Variants in SNX24 observed in about 807,000 individuals in gnomAD.
The protein encoded by SNX24 is sorting nexin 24, also known as sorting nexin-24.
In SNX24, 22 loss-of-function variants were observed where a neutral mutation model predicts 28.7. The observed-to-expected ratio is 0.77, with a 90% CI of 0.55 to 1.10. SNX24 has a LOEUF of 1.10. Among genes scored for constraint, SNX24 ranks in the 50% least tolerant of loss-of-function variants. The probability of loss-of-function intolerance (pLI) is 0.00; values close to 1 mark genes in which losing one functional copy is unlikely to be tolerated. For synonymous variants in SNX24, 69 were observed against 71.5 expected, an observed-to-expected ratio of 0.96 and a Z score of 0.18; for missense variants, 221 against 201.1, an observed-to-expected ratio of 1.10 and a Z score of -0.60.
Position 123,009,079 on chromosome 5 carries a change from G to A in SNX24, c.*1330G>A, listed in dbSNP as rs1762508407. 1.0e-5 allele frequency: 10 copies of A among 985,384 alleles called. No homozygotes were observed. Among genetic ancestry groups the A allele is most frequent in the Non-Finnish European group, 7.2e-6 (6 of 829,672 alleles). The allele number at this position is 985,384 out of a possible 1,614,324, so 61.0% of individuals were successfully genotyped here. A position where few individuals can be genotyped will look rare whatever the true frequency, so the allele number is the denominator to read the frequency against. ...TTATGATAGATTCTGTACTACATGTGGGAAACAAGCAAGAACTAAATAATC... is the reference window on the plus strand; with the variant it reads ...TTATGATAGATTCTGTACTACATGTAGGAAACAAGCAAGAACTAAATAATC... On this transcript the variant is annotated 3_prime_UTR_variant, in exon 7 of 7. Transcript: ENST00000261369.
downstream of SNX24, among the ~76,000 whole-genome samples, chr5:123,009,633 A>G (rs1418842675): frequency 6.7e-6 from 1 of 149,436 alleles, no homozygotes; most frequent in African/African-American, 2.4e-5. Flanking sequence ...TATGCACTAC[A>G]CAAGGATCAT....
intron 1 of SNX24, among the ~76,000 whole-genome samples, chr5:122,907,592 T>G (rs1757694839): frequency 6.6e-6 from 1 of 152,240 alleles, no homozygotes; most frequent in African/African-American, 2.4e-5. Context: ...AGACATGTAC[T>G]AATTTATACT....
intron 1 of SNX24, among the ~76,000 whole-genome samples, chr5:122,897,373 A>G (rs1386508413): frequency 2.0e-5 from 3 of 152,074 alleles, no homozygotes; most frequent in Non-Finnish European, 4.4e-5. Context: ...TTCTCTCCCT[A>G]TTTCTGCTAC....
intron 3 of SNX24, among the ~76,000 whole-genome samples, chr5:122,992,396 A>G (rs1581842859): frequency 6.6e-6 from 1 of 152,166 alleles, no homozygotes; most frequent in Non-Finnish European, 1.5e-5. Context: ...AATCCTTCAC[A>G]TGATCCAGAA....
intron 1 of SNX24, among the ~76,000 whole-genome samples, chr5:122,859,306 C>A (rs1352256125): frequency 6.6e-6 from 1 of 152,026 alleles, no homozygotes; most frequent in Non-Finnish European, 1.5e-5. Flanking sequence ...TCCTGTTCCC[C>A]CAACAAAATA....
At chr5:122,907,044 G>A (rs1043151405) in intron 1 of SNX24, among the ~76,000 whole-genome samples, 21 of 152,116 alleles carry the variant, frequency 1.4e-4, no homozygotes, top group African/African-American at 4.1e-4. Context: ...AAAGGAAAAC[G>A]TTATTCCCTT....
chr5:122,978,417 A>G (rs940073101), intron 3 of SNX24, among the ~76,000 whole-genome samples: 8 of 152,218 alleles, frequency 5.3e-5, no homozygotes, highest in Non-Finnish European at 8.8e-5. Context: ...ATGGCAGTGT[A>G]TATTTTTTTC....
At chr5:122,952,093 T>C (rs1454710990) in intron 3 of SNX24, among the ~76,000 whole-genome samples, 2 of 152,214 alleles carry the variant, frequency 1.3e-5, no homozygotes, top group African/African-American at 4.8e-5. Flanking sequence ...ATATGATATA[T>C]AAGAAACATA....
intron 5 of SNX24, among the ~76,000 whole-genome samples, 153 bp from the exon 6 acceptor site, chr5:123,001,785 ACT>A (rs1762256049): frequency 6.6e-6 from 1 of 152,062 alleles, no homozygotes; most frequent in Non-Finnish European, 1.5e-5. Context: ...CCATTTGTTC[ACT>A]CTTACTCTGC....
chr5:122,938,659 GGCCGGGCGCGGTGGC>G (rs1759289740), intron 2 of SNX24, among the ~76,000 whole-genome samples: 1 of 80,008 alleles, frequency 1.2e-5, no homozygotes, highest in African/African-American at 6.7e-5. Context: ...AGGCAATGAA[GGCCGGGCGCGGTGGC>G]TCACGCCTGT....
chr5:123,013,410 G>T (rs141588234), downstream of SNX24, among the ~76,000 whole-genome samples: 334 of 152,234 alleles, frequency 2.2e-3, 1 homozygote, highest in African/African-American at 7.8e-3. Context: ...GCTTTGTTTT[G>T]GTTTTTATTC....
At chr5:122,886,817 G>A (rs993486948) in intron 1 of SNX24, among the ~76,000 whole-genome samples, 5 of 151,400 alleles carry the variant, frequency 3.3e-5, no homozygotes, top group Non-Finnish European at 7.4e-5. Flanking sequence ...CCAACAGAGC[G>A]AGACTCTGAC....
chr5:122,997,935 G>GA (rs1197780168), intron 3 of SNX24, among the ~76,000 whole-genome samples: 23 of 149,716 alleles, frequency 1.5e-4, no homozygotes, highest in African/African-American at 3.9e-4. Flanking sequence ...CAGATATCTA[G>GA]AAAAAAAAAC....
At position 122,943,391 on chromosome 5, in the gene SNX24, C is replaced by T. The variant is rs192721107; in HGVS notation, c.145-2664C>T. 1.9e-3 allele frequency among the ~76,000 whole-genome samples: 296 copies of T among 152,252 alleles called. 4 individuals carry two copies. The highest frequency in any genetic ancestry group is 1.5e-3 in the Non-Finnish European group (101 of 68,020). On this transcript the variant is annotated intron_variant, in intron 2 of 6. Transcript: ENST00000261369. ...CCCCACTGCCCTTCTCTCTGTACCCCACGTTACTGACTTCCCATCATCTGG... is the reference window on the plus strand; with the variant it reads ...CCCCACTGCCCTTCTCTCTGTACCCTACGTTACTGACTTCCCATCATCTGG...
intron 3 of SNX24, among the ~76,000 whole-genome samples, chr5:122,960,518 C>T (rs77574913): frequency 0.028 from 4,273 of 152,214 alleles, 75 homozygotes; most frequent in Middle Eastern, 0.054. Context: ...TATTTTATGG[C>T]CACAAGCCAT....
intron 3 of SNX24, among the ~76,000 whole-genome samples, chr5:122,946,522 G>A (rs946000573): frequency 1.3e-5 from 2 of 151,858 alleles, no homozygotes; most frequent in South Asian, 4.2e-4. Flanking sequence ...TGAGTTTTGC[G>A]GGGCTGGTTG....
At chr5:123,015,765 A>G (rs1762668481) in intron 5 of SNX24, among the ~76,000 whole-genome samples, 1 of 151,064 alleles carries the variant, frequency 6.6e-6, no homozygotes, top group Non-Finnish European at 1.5e-5. Context: ...ATTAAAAAAG[A>G]AAAAAAAACA....
chr5:122,931,232 A>G (rs1283298930), intron 1 of SNX24, among the ~76,000 whole-genome samples: 5 of 152,158 alleles, frequency 3.3e-5, no homozygotes, highest in African/African-American at 1.2e-4. Context: ...CTTAAAATAG[A>G]GGAAACGTGA....
At chr5:122,875,495 G>A (rs1009165898) in intron 1 of SNX24, among the ~76,000 whole-genome samples, 7 of 152,160 alleles carry the variant, frequency 4.6e-5, no homozygotes, top group African/African-American at 2.4e-5. Flanking sequence ...GCCAGACTTG[G>A]GTTCTCACCT....
Sources: gnomAD v4.1 joint callset for allele counts (sites outside exome capture counted in the v4.1 genomes callset) on GRCh38, gnomAD v4.1.1 for gene constraint, MANE v1.5 for transcripts, NCBI Gene and HGNC (gene_info 2026-07-23, HGNC 2026-07-21) for gene names.